The following DDHD2 variants were observed in gnomAD, a reference collection of about 807,000 sequenced individuals.
DDHD2 encodes the protein triacylglycerol hydrolase DDHD2.
Under a neutral mutation model 91.2 loss-of-function variants are expected in DDHD2, and 62 were observed. The observed-to-expected ratio is 0.68, with a 90% CI of 0.55 to 0.84. The LOEUF is 0.84. DDHD2 is among the 40% of genes least tolerant of loss of function. The probability of loss-of-function intolerance (pLI) is 0.00; values close to 1 mark genes in which losing one functional copy is unlikely to be tolerated. For missense variants in DDHD2, 740 were observed against 846.9 expected, an observed-to-expected ratio of 0.87 and a Z score of 1.57; for synonymous variants, 271 against 293.9, an observed-to-expected ratio of 0.92 and a Z score of 0.80.
intron 7 of DDHD2, among the ~76,000 whole-genome samples, chr8:38,244,738 G>C (rs1805493589): frequency 6.6e-6 from 1 of 150,462 alleles, no homozygotes; most frequent in Admixed American, 6.7e-5. Context: ...CTAATTTTTT[G>C]TATTTTTAGT....
At chr8:38,263,404 G>C (rs969952473), downstream of DDHD2, 15 of 985,308 alleles carry the variant, frequency 1.5e-5, no homozygotes, top group Non-Finnish European at 1.6e-5. Context: ...CATTTGAGCA[G>C]ATCTTCAGTC....
chr8:38,269,359 G>C (rs567749543), intron 1 of DDHD2: 6 of 739,910 alleles, frequency 8.1e-6, no homozygotes, highest in Non-Finnish European at 1.2e-5. Context: ...TCTGGCAAAG[G>C]GTACGCAAAG....
chr8:38,258,274 CAG>C (rs1271085406), intron 16 of DDHD2, among the ~76,000 whole-genome samples: 2 of 145,484 alleles, frequency 1.4e-5, no homozygotes, highest in Admixed American at 1.4e-4. Flanking sequence ...TTTTTTGAGA[CAG>C]AGTCTTGCTG....
In DDHD2 at chr8:38,262,766, C is replaced by G. The variant is rs556544313; in HGVS notation, c.*2193C>G. ...ACTTTAGTAAATACTAACATGAAAC[C>G]ATATTGACTAGTGGCCTACTTTTAC... On this transcript the variant is annotated 3_prime_UTR_variant, in exon 18 of 18. Coordinates refer to ENST00000397166, the MANE Select transcript of DDHD2 (RefSeq NM_015214.3). The G allele has an allele frequency of 2.0e-5, 3 of 152,178 alleles. No individual in the cohort carries two copies. Among genetic ancestry groups the G allele is most frequent in the South Asian group, 4.2e-4 (2 of 4,816 alleles). 9.4% of individuals were successfully genotyped at this position (152,178 alleles called of 1,614,324 possible). A position where few individuals can be genotyped will look rare whatever the true frequency, so the allele number is the denominator to read the frequency against.
chr8:38,257,938 G>C (rs1806659317), intron 16 of DDHD2, among the ~76,000 whole-genome samples: 1 of 152,206 alleles, frequency 6.6e-6, no homozygotes, highest in South Asian at 2.1e-4. Context: ...TGGGATTACA[G>C]GCGTGAGCCA....
intron 5 of DDHD2, chr8:38,238,941 G>T (rs540744542): frequency 6.5e-6 from 1 of 153,242 alleles, no homozygotes; most frequent in South Asian, 2.1e-4. Flanking sequence ...AAATGTGTGT[G>T]TGTGTGTGTG....
rs1326620563 is a variant in DDHD2, at chr8:38,252,042, T to C, written c.1461+14T>C. ...GGCATTGGGCAGGTAACTAATTCTC[T>C]TTGATCATTTTACAGCCTGCTATTT... On this transcript the variant is annotated intron_variant, in intron 12 of 17. Coordinates refer to ENST00000397166, the MANE Select transcript of DDHD2 (RefSeq NM_015214.3). 1.2e-6 allele frequency: 2 copies of C among 1,612,642 alleles called. No homozygotes were observed. Among genetic ancestry groups the C allele is most frequent in the African/African-American group, 2.7e-5 (2 of 74,906 alleles).
At chr8:38,245,644 T>G in intron 7 of DDHD2, 98 bp from the exon 8 acceptor site, 1 of 1,090,132 alleles carries the variant, frequency 9.2e-7, no homozygotes, top group Non-Finnish European at 1.3e-6. Flanking sequence ...AAATCGACAA[T>G]TGTTTGTTAT....
At chr8:38,264,350 A>G, downstream of DDHD2, 2 of 1,007,798 alleles carry the variant, frequency 2.0e-6, no homozygotes, top group Non-Finnish European at 2.7e-6. Context: ...CATGTTGGCC[A>G]GGCTGGTCCT....
intron 1 of DDHD2, chr8:38,270,710 CACTA>C (rs1318685773): frequency 6.6e-6 from 1 of 152,220 alleles, no homozygotes; most frequent in Non-Finnish European, 1.5e-5. Context: ...GGTGCTTTCT[CACTA>C]ACTAGCAGAT....
Position 38,233,151 on chromosome 8 carries a change from A to G in DDHD2, c.157A>G (p.Lys53Glu). The stretch of plus-strand genomic sequence containing the variant: ...GTTTTATTGTAAGATAATAGATTCT[A>G]AGGAGACATGGATTCCTTTCAACTC... The part of the protein sequence containing the change: ...HWFYCKIIDS[K>E]ETWIPFNSED... Residue 53 changes from lysine (K) to glutamate (E), a missense_variant, in exon 2 of 18, where the codon AAG becomes GAG. Around this residue, in one of 2 missense-constraint regions of DDHD2, gnomAD observed 693 missense variants for 764.2 expected, o/e 0.91. Transcript: ENST00000397166. 6.2e-7 allele frequency: 1 copy of G among 1,614,148 alleles called. No homozygotes were observed. Among genetic ancestry groups the G allele is most frequent in the South Asian group, 1.1e-5 (1 of 91,092 alleles).
At chr8:38,239,556 G>A (rs1805078748) in intron 5 of DDHD2, among the ~76,000 whole-genome samples, 1 of 147,910 alleles carries the variant, frequency 6.8e-6, no homozygotes, top group Admixed American at 6.7e-5. Flanking sequence ...GTGTGGTGGC[G>A]TGTGCGTGTA....
In DDHD2 at chr8:38,234,566, C is replaced by T. The variant is rs201121892; in HGVS notation, c.393C>T (p.Ser131=). 6.2e-7 allele frequency: 1 copy of T among 1,608,288 alleles called. No homozygotes were observed. Among genetic ancestry groups the T allele is most frequent in the African/African-American group, 1.3e-5 (1 of 74,610 alleles). ...ATAAGTATGTTCCCTACTCGGAGAG[C>T]TTCAGCCAAGTTTTAGAGGTATTCT... ...KDNKYVPYSE[S]FSQVLEETYM... The change falls in exon 3 of 18, where the codon AGC becomes AGT. Residue 131 remains serine, a synonymous_variant. Coordinates refer to ENST00000397166, the MANE Select transcript of DDHD2 (RefSeq NM_015214.3).
chr8:38,236,214 G>A (rs1303291546), intron 3 of DDHD2, among the ~76,000 whole-genome samples: 1 of 150,622 alleles, frequency 6.6e-6, no homozygotes, highest in Middle Eastern at 3.4e-3. Flanking sequence ...GGGTTTCACC[G>A]TGTTAGCCAG....
chr8:38,240,605 G>C (rs1413623504), intron 6 of DDHD2, among the ~76,000 whole-genome samples: 1 of 152,194 alleles, frequency 6.6e-6, no homozygotes, highest in Non-Finnish European at 1.5e-5. Context: ...CTATAAAATT[G>C]TGTTTTATGA....
At chr8:38,233,878 A>G (rs1166157797) in intron 2 of DDHD2, among the ~76,000 whole-genome samples, 4 of 151,932 alleles carry the variant, frequency 2.6e-5, no homozygotes, top group African/African-American at 9.6e-5. Context: ...ACAGTGAGCC[A>G]AGATTGTGCC....
At chr8:38,255,679 A>T (rs1806459915) in intron 16 of DDHD2, among the ~76,000 whole-genome samples, 1 of 151,788 alleles carries the variant, frequency 6.6e-6, no homozygotes, top group Non-Finnish European at 1.5e-5. Context: ...TTAACCTATT[A>T]TATGTTGTTT....
At chr8:38,235,948 T>C (rs967933328) in intron 3 of DDHD2, among the ~76,000 whole-genome samples, 4 of 152,076 alleles carry the variant, frequency 2.6e-5, no homozygotes, top group Non-Finnish European at 5.9e-5. Context: ...GATTGATCTT[T>C]TTTAGCTTTT....
intron 6 of DDHD2, 81 bp from the exon 7 acceptor site, chr8:38,242,169 T>C: frequency 8.9e-7 from 1 of 1,121,282 alleles, no homozygotes; most frequent in South Asian, 1.6e-5. Flanking sequence ...GTAGTTAGAG[T>C]ATAATTACAT....
Sources: gnomAD v4.1 joint callset for allele counts (sites outside exome capture counted in the v4.1 genomes callset) on GRCh38, gnomAD v4.1.1 for gene constraint, gnomAD v4.1.1 regional missense constraint, MANE v1.5 for transcripts, NCBI Gene and HGNC (gene_info 2026-07-23, HGNC 2026-07-21) for gene names.